CDH13: variants seen among roughly 807,000 people sequenced by gnomAD.
CDH13 encodes cadherin 13.
Under a neutral mutation model 63.8 loss-of-function variants are expected in CDH13, and 24 were observed. The ratio of observed to expected loss-of-function variants is 0.38; its 90% CI spans 0.27 to 0.53. The LOEUF (loss-of-function observed/expected upper bound fraction) is 0.53. CDH13 is among the 20% of genes least tolerant of loss of function. The probability of loss-of-function intolerance (pLI) is 0.85; values close to 1 mark genes in which losing one functional copy is unlikely to be tolerated. For missense variants in CDH13, 1,049 were observed against 903.1 expected (o/e 1.16, Z -2.07); for synonymous variants, 503 against 355.3 (o/e 1.42, Z -4.67).
chr16:83,045,275 C>G (rs1208219089), intron 3 of CDH13, among the ~76,000 whole-genome samples: 1 of 152,078 alleles, frequency 6.6e-6, no homozygotes, highest in East Asian at 1.9e-4. Context: ...GTGAACAGAA[C>G]CTTTGGAAGT....
chr16:83,269,555 G>C (rs751213354), intron 5 of CDH13, among the ~76,000 whole-genome samples: 103 of 152,102 alleles, frequency 6.8e-4, no homozygotes, highest in Non-Finnish European at 1.0e-3. Context: ...GGAACTCAGA[G>C]AACAGATTCC....
At chr16:82,870,136 A>G (rs984521697) in intron 2 of CDH13, among the ~76,000 whole-genome samples, 2 of 152,176 alleles carry the variant, frequency 1.3e-5, no homozygotes, top group Non-Finnish European at 2.9e-5. Context: ...AGAAAAAAAA[A>G]TCTCATTAAA....
At chr16:83,569,066 C>G (rs1399876180) in intron 7 of CDH13, among the ~76,000 whole-genome samples, 1 of 152,122 alleles carries the variant, frequency 6.6e-6, no homozygotes, top group East Asian at 1.9e-4. Flanking sequence ...CTGGCCTCCT[C>G]TCCTTTCCCT....
intron 1 of CDH13, among the ~76,000 whole-genome samples, chr16:82,758,968 A>G (rs1327169571): frequency 6.6e-6 from 1 of 152,184 alleles, no homozygotes; most frequent in Admixed American, 6.5e-5. Flanking sequence ...TGGTCCACCT[A>G]AGTTCACCTA....
intron 2 of CDH13, among the ~76,000 whole-genome samples, chr16:82,937,880 G>A (rs908370938): frequency 6.6e-5 from 10 of 152,094 alleles, no homozygotes; most frequent in African/African-American, 2.4e-4. Flanking sequence ...AAGTACAATT[G>A]GATGGAGGTA....
At chr16:83,135,193 C>T (rs2036227924) in intron 4 of CDH13, among the ~76,000 whole-genome samples, 1 of 152,162 alleles carries the variant, frequency 6.6e-6, no homozygotes, top group African/African-American at 2.4e-5. Context: ...CAATCCTACA[C>T]TCATTTCTCA....
intron 1 of CDH13, among the ~76,000 whole-genome samples, chr16:82,709,550 A>G (rs2151003615): frequency 6.6e-6 from 1 of 152,354 alleles, no homozygotes; most frequent in Non-Finnish European, 1.5e-5. Context: ...TTCATCTGAA[A>G]GTGTGGATAA....
intron 6 of CDH13, among the ~76,000 whole-genome samples, chr16:83,384,012 A>G (rs187743153): frequency 1.6e-4 from 25 of 152,314 alleles, no homozygotes; most frequent in Non-Finnish European, 3.2e-4. Flanking sequence ...ACATATATAC[A>G]CATGGGTACA....
intron 10 of CDH13, among the ~76,000 whole-genome samples, chr16:83,683,717 C>A (rs1287745327): frequency 1.3e-5 from 2 of 152,132 alleles, no homozygotes; most frequent in African/African-American, 4.8e-5. Context: ...TCATTAATAT[C>A]CTGAAGACAA....
At position 83,602,504 on chromosome 16, in the gene CDH13, T is replaced by C; in HGVS notation, c.1011T>C (p.Ala337=). The C allele has an allele frequency of 6.2e-7, 1 of 1,613,932 alleles. No individual in the cohort carries two copies. The highest frequency in any genetic ancestry group is 8.5e-7 in the Non-Finnish European group (1 of 1,179,814). Residue 337 remains alanine (A), a synonymous_variant, in exon 8 of 14, where the codon GCT becomes GCC. Transcript: ENST00000567109. ...YELIIEAQDM[A]GLDVGLTGTA... ...TGATCATCGAGGCTCAAGATATGGC[T>C]GGACTGGATGTTGGATTAACAGGCA...
At chr16:83,041,903 A>G (rs1013469940) in intron 3 of CDH13, among the ~76,000 whole-genome samples, 1 of 152,222 alleles carries the variant, frequency 6.6e-6, no homozygotes, top group Non-Finnish European at 1.5e-5. Flanking sequence ...ATGATTCTTA[A>G]TCACTGATCA....
chr16:83,015,364 A>G (rs1032626276), intron 2 of CDH13, among the ~76,000 whole-genome samples: 2 of 151,896 alleles, frequency 1.3e-5, no homozygotes, highest in African/African-American at 4.8e-5. Context: ...AGAATGACCA[A>G]ATCTCCACCC....
chr16:83,503,175 C>G (rs1279270729), intron 7 of CDH13, among the ~76,000 whole-genome samples: 1 of 152,224 alleles, frequency 6.6e-6, no homozygotes, highest in Non-Finnish European at 1.5e-5. Flanking sequence ...TTGAATCGCT[C>G]ACGTAGATTC....
At chr16:83,324,242 G>C (rs2090308306) in intron 5 of CDH13, among the ~76,000 whole-genome samples, 1 of 152,038 alleles carries the variant, frequency 6.6e-6, no homozygotes, top group Non-Finnish European at 1.5e-5. Flanking sequence ...TCACCATCAT[G>C]GTCAGGCTGG....
intron 3 of CDH13, among the ~76,000 whole-genome samples, chr16:83,051,917 CT>C (rs1180433419): frequency 3.2e-4 from 48 of 151,818 alleles, no homozygotes; most frequent in African/African-American, 1.1e-3. Flanking sequence ...ACTATGGTTT[CT>C]TTGGCCAACC....
At position 82,952,133 on chromosome 16, in the gene CDH13, C is replaced by G. The variant is rs730454; in HGVS notation, c.158-79877C>G. ...TTTTCCACACTCAGACAACGTGACT[C>G]CTTGCTCATCAAGTGGCTCAGGATT... is the stretch of plus-strand genomic sequence containing the variant. On this transcript the variant is annotated intron_variant, in intron 2 of 13. Coordinates refer to ENST00000567109, the MANE Select transcript of CDH13 (RefSeq NM_001257.5). Among the ~76,000 whole-genome samples the G allele has an allele frequency of 4.3e-3, 650 of 152,312 alleles. 2 individuals are homozygous for G. The highest frequency in any genetic ancestry group is 0.024 in the Middle Eastern group (7 of 294).
chr16:82,751,489 C>A (rs560309250), intron 1 of CDH13, among the ~76,000 whole-genome samples: 4 of 152,236 alleles, frequency 2.6e-5, no homozygotes, highest in African/African-American at 9.6e-5. Context: ...CCTCCTACTA[C>A]AGCACCTCAT....
At chr16:82,774,000 G>T (rs1181134962) in intron 1 of CDH13, among the ~76,000 whole-genome samples, 3 of 152,046 alleles carry the variant, frequency 2.0e-5, no homozygotes, top group Non-Finnish European at 2.9e-5. Context: ...GGCCAGGCTG[G>T]TCTCAATCTC....
intron 5 of CDH13, among the ~76,000 whole-genome samples, chr16:83,229,761 T>C (rs965082520): frequency 3.3e-5 from 5 of 152,188 alleles, no homozygotes; most frequent in African/African-American, 1.2e-4. Context: ...TTGGAAAGCC[T>C]GCAGGCCCAC....
Sources: gnomAD v4.1 joint callset for allele counts (sites outside exome capture counted in the v4.1 genomes callset) on GRCh38, gnomAD v4.1.1 for gene constraint, MANE v1.5 for transcripts, NCBI Gene and HGNC (gene_info 2026-07-23, HGNC 2026-07-21) for gene names.